The following ZNF337 variants were observed in gnomAD, a reference collection of about 807,000 sequenced individuals.
ZNF337 encodes the protein zinc finger protein 337.
Under a neutral mutation model 12.1 loss-of-function variants are expected in ZNF337, and 8 were observed. The ratio of observed to expected loss-of-function variants is 0.66; its 90% CI spans 0.39 to 1.19. ZNF337 has a LOEUF of 1.19. Among genes scored for constraint, ZNF337 ranks in the 50% most tolerant of loss-of-function variants. ZNF337 has a pLI of 0.01. For synonymous variants in ZNF337, 336 were observed against 320.0 expected (o/e 1.05, Z -0.53); for missense variants, 882 against 896.6 (o/e 0.98, Z 0.21).
rs776933655 is a variant in ZNF337 at position 25,685,713 on chromosome 20, G to A, written c.155-51C>T. The A allele has an allele frequency of 5.1e-5, 78 of 1,529,080 alleles. 1 individual carries two copies. The highest frequency in any genetic ancestry group is 3.4e-4 in the Middle Eastern group (2 of 5,912). 94.7% of individuals were successfully genotyped at this position (1,529,080 alleles called of 1,614,324 possible). On this transcript the variant is annotated intron_variant, in intron 3 of 4. Transcript: ENST00000252979. ...GGTGACTCCTGGTTGTAGGCTCCAC[G>A]GGCCATTTGCTGGAGCCACCCAGGG... is the stretch of plus-strand genomic sequence containing the variant.
At chr20:25,696,240 C>T (rs892404732) in intron 1 of ZNF337, among the ~76,000 whole-genome samples, 1 of 152,118 alleles carries the variant, frequency 6.6e-6, no homozygotes, top group African/African-American at 2.4e-5. Context: ...CGAAGTCCTC[C>T]CCTGTCCCGC....
At chr20:25,685,328 A>AT (rs2065817877) in intron 4 of ZNF337, among the ~76,000 whole-genome samples, 1 of 152,138 alleles carries the variant, frequency 6.6e-6, no homozygotes, top group Non-Finnish European at 1.5e-5. Flanking sequence ...AAATGAGGAG[A>AT]TTGAGTGGGA....
chr20:25,689,173 G>A (rs1013758353), intron 1 of ZNF337, among the ~76,000 whole-genome samples: 6 of 147,350 alleles, frequency 4.1e-5, no homozygotes, highest in East Asian at 2.0e-4. Flanking sequence ...GTGTGGTGGC[G>A]AGCGCCTGTA....
Position 25,676,010 on chromosome 20 carries a change from G to A in ZNF337, c.1278C>T (p.His426=), listed in dbSNP as rs746887911. The A allele has an allele frequency of 1.9e-6, 3 of 1,613,766 alleles. No homozygotes were observed. Among genetic ancestry groups the A allele is most frequent in the Middle Eastern group, 1.7e-4 (1 of 6,060 alleles). The change falls in exon 5 of 5, where the codon CAC becomes CAT. Residue 426 remains histidine, a synonymous_variant. Transcript: ENST00000252979. ...TACAAACAAAAGGTTTCTCCCCTGA[G>A]TGTGTTCTCTGGTGGTAGACAAGAG... ...KSTLVYHQRT[H]SGEKPFVCRE...
intron 4 of ZNF337, among the ~76,000 whole-genome samples, chr20:25,681,510 TA>T (rs376463113): frequency 0.023 from 3,461 of 151,250 alleles, 122 homozygotes; most frequent in African/African-American, 0.079. Context: ...ACAATAACCA[TA>T]AAAAAAAATC....
intron 1 of ZNF337, 120 bp from the exon 2 acceptor site, chr20:25,686,586 G>T: frequency 1.4e-6 from 1 of 734,166 alleles, no homozygotes; most frequent in Non-Finnish European, 2.2e-6. Flanking sequence ...CAATTCCCCT[G>T]TGGGGATCTG....
At chr20:25,684,256 T>G in intron 4 of ZNF337, among the ~76,000 whole-genome samples, 1 of 149,502 alleles carries the variant, frequency 6.7e-6, no homozygotes, top group African/African-American at 2.5e-5. Context: ...TAATGCTAAA[T>G]GACGAGTTAA....
chr20:25,695,065 A>G (rs6037198), intron 1 of ZNF337, among the ~76,000 whole-genome samples: 27,197 of 152,064 alleles, frequency 0.18, 5,416 homozygotes, highest in African/African-American at 0.5. Flanking sequence ...GAGGTCAGGA[A>G]GTCAAGACCA....
intron 4 of ZNF337, among the ~76,000 whole-genome samples, chr20:25,682,176 AT>A (rs1446640874): frequency 1.3e-5 from 2 of 152,218 alleles, no homozygotes; most frequent in African/African-American, 4.8e-5. Flanking sequence ...ACCAAAAAAA[AT>A]CTTAGGAACT....
chr20:25,690,949 A>G (rs373302822), intron 1 of ZNF337, among the ~76,000 whole-genome samples: 14 of 152,356 alleles, frequency 9.2e-5, no homozygotes, highest in African/African-American at 2.4e-4. Flanking sequence ...ACAAAAACTC[A>G]GAAAACATGG....
intron 4 of ZNF337, among the ~76,000 whole-genome samples, chr20:25,682,010 T>G (rs1224692416): frequency 1.3e-5 from 2 of 152,188 alleles, no homozygotes; most frequent in Non-Finnish European, 2.9e-5. Context: ...CGACAGGTGT[T>G]CATTCTATAA....
Position 25,676,288 on chromosome 20 carries a change from ATGAC to A in ZNF337, c.996_999del (p.Lys332AsnfsTer55), listed in dbSNP as rs1203070207. 1.2e-6 allele frequency: 2 copies of A among 1,605,332 alleles called. No individual in the cohort carries two copies. Among genetic ancestry groups the A allele is most frequent in the African/African-American group, 2.8e-5 (2 of 71,972 alleles). On this transcript the variant is annotated frameshift_variant, in exon 5 of 5. Transcript: ENST00000252979. LOFTEE classifies it low-confidence loss of function (END_TRUNC). ...TGTATTCTCTTGTGCACAACGAAGT[ATGAC>A]TTATTAGTATAGCCTCGCCCACACT...
Position 25,676,966 on chromosome 20 carries a change from ATTG to A in ZNF337, c.319_321del (p.Gln107del). 1 of 1,614,068 alleles carries A rather than the reference ATTG, an allele frequency of 6.2e-7. No individual in the cohort carries two copies. Among genetic ancestry groups the A allele is most frequent in the African/African-American group, 1.3e-5 (1 of 75,020 alleles). ...TCACTCTGGAAGCTTTGATCAGAAA[ATTG>A]TAGTTGCTGTTGCCTCTGATGTGCA... is the stretch of plus-strand genomic sequence containing the variant. On this transcript the variant is annotated inframe_deletion, in exon 5 of 5. Coordinates refer to ENST00000252979, the MANE Select transcript of ZNF337 (RefSeq NM_015655.4).
At chr20:25,686,566 C>T in intron 1 of ZNF337, 100 bp from the exon 2 acceptor site, 9 of 855,288 alleles carry the variant, frequency 1.1e-5, no homozygotes, top group Non-Finnish European at 1.4e-5. Context: ...CTGGGGAGGG[C>T]GCACCTGCAC....
chr20:25,695,060 C>T (rs933511620), intron 1 of ZNF337, among the ~76,000 whole-genome samples: 1 of 152,162 alleles, frequency 6.6e-6, no homozygotes, highest in Non-Finnish European at 1.5e-5. Context: ...CACCTGAGGT[C>T]AGGAAGTCAA....
In ZNF337 at chr20:25,673,494, G is replaced by A. The variant is rs189385408; in HGVS notation, c.*1538C>T. On this transcript the variant is annotated 3_prime_UTR_variant, in exon 5 of 5. Transcript: ENST00000252979. Reference sequence around the variant, plus strand: ...TGGGCCATCTCTACACACCCAGATGGTCTGTGGCTGGGAGCATGGCAGAGG... The same window carrying A: ...TGGGCCATCTCTACACACCCAGATGATCTGTGGCTGGGAGCATGGCAGAGG... Among the ~76,000 whole-genome samples, 17 of 152,206 alleles carry A rather than the reference G, an allele frequency of 1.1e-4. No homozygotes were observed. The East Asian group carries it at 3.3e-3, about 29-fold the overall frequency.
chr20:25,678,417 A>G (rs886151627), intron 4 of ZNF337, among the ~76,000 whole-genome samples: 1 of 152,202 alleles, frequency 6.6e-6, no homozygotes, highest in Non-Finnish European at 1.5e-5. Context: ...GCAAAATAAT[A>G]CTGTTGAGAT....
Position 25,676,025 on chromosome 20 carries a change from G to A in ZNF337, c.1263C>T (p.Tyr421=). ...RSFSQKSTLV[Y]HQRTHSGEKP... The stretch of plus-strand genomic sequence containing the variant: ...TCTCCCCTGAGTGTGTTCTCTGGTG[G>A]TAGACAAGAGTTGACTTTTGGCTAA... Residue 421 remains tyrosine (Y), a synonymous_variant, in exon 5 of 5, where the codon TAC becomes TAT. Coordinates refer to ENST00000252979, the MANE Select transcript of ZNF337 (RefSeq NM_015655.4). 1 of 1,611,286 alleles carries A rather than the reference G, an allele frequency of 6.2e-7. No individual in the cohort carries two copies. Among genetic ancestry groups the A allele is most frequent in the Non-Finnish European group, 8.5e-7 (1 of 1,178,958 alleles).
Position 25,676,983 on chromosome 20 carries a change from C to G in ZNF337, c.305G>C (p.Arg102Thr). The G allele has an allele frequency of 6.2e-7, 1 of 1,613,900 alleles. No homozygotes were observed. The highest frequency in any genetic ancestry group is 8.5e-7 in the Non-Finnish European group (1 of 1,179,976). ...RPKNLGLAHQ[R>T]QQQLQFSDQS... ...ATCAGAAAATTGTAGTTGCTGTTGC[C>G]TCTGATGTGCAAGTCCAAGATTCTT... The change falls in exon 5 of 5, where the codon AGG becomes ACG. Residue 102 changes from arginine to threonine, a missense_variant. Coordinates refer to ENST00000252979, the MANE Select transcript of ZNF337 (RefSeq NM_015655.4).
Sources: allele counts gnomAD v4.1 joint callset (sites outside exome capture counted in the v4.1 genomes callset), GRCh38; gene constraint gnomAD v4.1.1; transcripts MANE v1.5; gene names NCBI Gene and HGNC (gene_info 2026-07-23, HGNC 2026-07-21).